Variants in POSTN observed in about 807,000 individuals in gnomAD.
POSTN encodes the protein osteoblast specific factor 2 (fasciclin I-like).
Under a neutral mutation model 104.5 loss-of-function variants are expected in POSTN, and 71 were observed. The ratio of observed to expected loss-of-function variants is 0.68; its 90% confidence interval spans 0.56 to 0.83. The LOEUF (loss-of-function observed/expected upper bound fraction) is 0.83. Ranked by LOEUF, POSTN falls within the 40% of genes least tolerant of loss-of-function variation. The pLI, the probability that POSTN is intolerant of heterozygous loss-of-function variation, is 0.00. For synonymous variants in POSTN, 355 were observed against 340.7 expected, an observed-to-expected ratio of 1.04 and a Z score of -0.46; for missense variants, 949 against 1,006.8, an observed-to-expected ratio of 0.94 and a Z score of 0.78.
chr13:37,586,005 A>G, intron 7 of POSTN, 134 bp downstream of exon 7: 1 of 705,292 alleles, frequency 1.4e-6, no homozygotes, highest in South Asian at 3.3e-5. Flanking sequence ...TTTGGAAGAC[A>G]TAGTACATCT....
chr13:37,578,350 A>G (rs1217959637), intron 15 of POSTN, among the ~76,000 whole-genome samples: 2 of 152,222 alleles, frequency 1.3e-5, no homozygotes, highest in African/African-American at 4.8e-5. Flanking sequence ...GAACAAAACC[A>G]TGAAGAAATG....
intron 21 of POSTN, chr13:37,565,331 AGTT>A (rs1457789231): frequency 2.0e-5 from 3 of 151,838 alleles, no homozygotes; most frequent in African/African-American, 7.2e-5. Flanking sequence ...ATTTTCATTC[AGTT>A]TTTGGGCATT....
At chr13:37,583,848 A>G (rs1950670045) in intron 9 of POSTN, 121 bp downstream of exon 9, 6 of 1,175,620 alleles carry the variant, frequency 5.1e-6, no homozygotes, top group Non-Finnish European at 7.1e-6. Flanking sequence ...TTGTATGTGT[A>G]GCCAATGCAG....
At chr13:37,564,343 A>G (rs1481902662) in intron 22 of POSTN, among the ~76,000 whole-genome samples, 176 bp downstream of exon 22, 4 of 150,900 alleles carry the variant, frequency 2.7e-5, no homozygotes, top group Admixed American at 2.0e-4. Context: ...AGTATAGAAC[A>G]TGAGAAATTT....
chr13:37,586,704 C>A, intron 6 of POSTN, 78 bp downstream of exon 6: 1 of 1,412,454 alleles, frequency 7.1e-7, no homozygotes, highest in Non-Finnish European at 9.6e-7. Context: ...GATTTAATAG[C>A]ATTTTTATTG....
chr13:37,591,331 C>G (rs1435398031), intron 3 of POSTN, among the ~76,000 whole-genome samples: 1 of 152,074 alleles, frequency 6.6e-6, no homozygotes, highest in East Asian at 1.9e-4. Flanking sequence ...ATTCTAAATT[C>G]AATATAAGCT....
intron 22 of POSTN, 53 bp from the exon 23 acceptor site, chr13:37,563,423 A>G: frequency 8.1e-7 from 1 of 1,237,204 alleles, no homozygotes. Flanking sequence ...GAAATTTTAA[A>G]ATTTAAGAAT....
At position 37,574,653 on chromosome 13, in the gene POSTN, C is replaced by T; in HGVS notation, c.2009-1G>A. 1 of 1,588,668 alleles carries T rather than the reference C, an allele frequency of 6.3e-7. No individual in the cohort carries two copies. The highest frequency in any genetic ancestry group is 1.2e-5 in the South Asian group (1 of 86,120). On this transcript the variant is annotated splice_acceptor_variant, in intron 16 of 22. Transcript: ENST00000379747. LOFTEE classifies it high-confidence loss of function. The stretch of plus-strand genomic sequence containing the variant: ...ACAACTTTGGTTATAATTTTAGTTG[C>T]TGAAAGTATAGAAAGTGGAACATGA...
At chr13:37,592,388 T>C (rs1950962960) in intron 2 of POSTN, among the ~76,000 whole-genome samples, 1 of 152,100 alleles carries the variant, frequency 6.6e-6, no homozygotes, top group Non-Finnish European at 1.5e-5. Context: ...AAGCTCCGCC[T>C]CTCGGGTTCA....
intron 16 of POSTN, 55 bp downstream of exon 16, chr13:37,577,697 TG>T: frequency 1.3e-6 from 2 of 1,593,760 alleles, no homozygotes; most frequent in South Asian, 1.1e-5. Context: ...AGAAATGTAT[TG>T]TTTTCTTTTT....
At chr13:37,580,081 T>C in intron 11 of POSTN, 90 bp from the exon 12 acceptor site, 2 of 1,257,066 alleles carry the variant, frequency 1.6e-6, no homozygotes, top group South Asian at 3.0e-5. Flanking sequence ...ATCCATGTAT[T>C]GTGGAAAGCA....
At chr13:37,567,459 C>CT (rs1422677104) in intron 21 of POSTN, among the ~76,000 whole-genome samples, 1 of 151,648 alleles carries the variant, frequency 6.6e-6, no homozygotes, top group Non-Finnish European at 1.5e-5. Flanking sequence ...ATACTTGTGA[C>CT]TCAGTAATGA....
chr13:37,573,970 C>T (rs73182622), intron 17 of POSTN, among the ~76,000 whole-genome samples: 13,427 of 151,154 alleles, frequency 0.089, 825 homozygotes, highest in South Asian at 0.17. Flanking sequence ...ATAATATATA[C>T]GTCTGTATGT....
rs200646973 is a variant in POSTN at position 37,586,853 on chromosome 13, G to A, written c.682C>T (p.Arg228Cys). The A allele has an allele frequency of 1.4e-5, 23 of 1,612,154 alleles. No individual in the cohort carries two copies. The highest frequency in any genetic ancestry group is 3.3e-5 in the Admixed American group (2 of 59,924). The change falls in exon 6 of 23, where the codon CGT becomes TGT. Residue 228 changes from arginine to cysteine, a missense_variant. By Grantham distance (180) the Arg-to-Cys change is radical (BLOSUM62 -3). Coordinates refer to ENST00000379747, the MANE Select transcript of POSTN (RefSeq NM_006475.3). ...GAGGTACCAATTTGTGTAAGCACAC[G>A]GTCAATGACATGGACAACACCATTT... ...ATNGVVHVIDRVLTQIGTSIQ... is the reference protein window; with the variant it reads ...ATNGVVHVIDCVLTQIGTSIQ...
At chr13:37,564,762 A>C in intron 21 of POSTN, 1 of 389,776 alleles carries the variant, frequency 2.6e-6, no homozygotes, top group Non-Finnish European at 4.6e-6. Context: ...TTTTCCATAT[A>C]TCATAATGAA....
Position 37,570,614 on chromosome 13 carries a change from A to G in POSTN, c.2235T>C (p.Thr745=), listed in dbSNP as rs2138182151. ...KIIDGVPVEI[T]EKETREERII... ...TTCGTTCTTCTCGTGTCTCTTTTTC[A>G]GTTATTTCCACAGGCACTCCATCAA... Residue 745 remains threonine (T), a synonymous_variant, in exon 19 of 23, where the codon ACT becomes ACC. Coordinates refer to ENST00000379747, the MANE Select transcript of POSTN (RefSeq NM_006475.3). 1.9e-6 allele frequency: 3 copies of G among 1,608,458 alleles called. No individual in the cohort carries two copies. Among genetic ancestry groups the G allele is most frequent in the East Asian group, 4.5e-5 (2 of 44,694 alleles).
intron 18 of POSTN, chr13:37,571,132 C>T (rs1593316034): frequency 2.5e-6 from 1 of 408,028 alleles, no homozygotes; most frequent in African/African-American, 2.1e-5. Context: ...AAAATCATGA[C>T]ATTTTGTTGG....
At chr13:37,588,108 T>C in intron 4 of POSTN, 122 bp from the exon 5 acceptor site, 1 of 785,948 alleles carries the variant, frequency 1.3e-6, no homozygotes, top group South Asian at 1.8e-5. Context: ...TCATACAAAA[T>C]TGACATAAAT....
chr13:37,569,172 C>A (rs531374249), intron 21 of POSTN, 128 bp downstream of exon 21: 2 of 621,746 alleles, frequency 3.2e-6, no homozygotes, highest in South Asian at 4.2e-5. Context: ...TCTATTAAGA[C>A]AACAGTGGAT....
Sources: gnomAD v4.1 joint callset for allele counts (sites outside exome capture counted in the v4.1 genomes callset) on GRCh38, gnomAD v4.1.1 for gene constraint, MANE v1.5 for transcripts, NCBI Gene and HGNC (gene_info 2026-07-23, HGNC 2026-07-21) for gene names.